Variants in ZBTB20 observed in about 807,000 individuals in gnomAD.
The protein encoded by ZBTB20 is zinc finger and BTB domain containing 20.
ZBTB20 carries 9 observed loss-of-function variants against 56.9 expected under a neutral mutation model. The observed-to-expected ratio is 0.16, with a 90% confidence interval of 0.10 to 0.28. The LOEUF (loss-of-function observed/expected upper bound fraction) is 0.28, where lower values mean the gene tolerates loss of function less well. Among genes scored for constraint, ZBTB20 ranks in the 10% least tolerant of loss-of-function variants. The pLI, the probability that ZBTB20 is intolerant of heterozygous loss-of-function variation, is 1.00. For missense variants in ZBTB20, 655 were observed against 1,003.0 expected (o/e 0.65, Z 4.69); for synonymous variants, 417 against 420.7 (o/e 0.99, Z 0.11).
intron 6 of ZBTB20, among the ~76,000 whole-genome samples, chr3:114,678,167 G>T (rs1560116422): frequency 6.6e-6 from 1 of 152,032 alleles, no homozygotes. Flanking sequence ...GGCAGAATTT[G>T]ATTTTTTTCC....
At chr3:114,963,253 C>G (rs544292526) in intron 3 of ZBTB20, among the ~76,000 whole-genome samples, 4 of 152,202 alleles carry the variant, frequency 2.6e-5, no homozygotes, top group African/African-American at 9.6e-5. Context: ...TAACAGTTTA[C>G]AGTCAATATT....
chr3:114,623,074 A>G (rs765265777), intron 6 of ZBTB20, among the ~76,000 whole-genome samples: 25 of 152,144 alleles, frequency 1.6e-4, no homozygotes, highest in Non-Finnish European at 3.1e-4. Flanking sequence ...TCCATGCTTA[A>G]TGAACATGCC....
intron 7 of ZBTB20, among the ~76,000 whole-genome samples, chr3:114,450,289 T>C (rs2091524599): frequency 6.6e-6 from 1 of 152,194 alleles, no homozygotes; most frequent in African/African-American, 2.4e-5. Context: ...ATTTATAACA[T>C]TGTTGTTTCA....
intron 4 of ZBTB20, among the ~76,000 whole-genome samples, chr3:114,864,546 T>C (rs761861417): frequency 2.0e-5 from 3 of 151,984 alleles, no homozygotes; most frequent in Non-Finnish European, 2.9e-5. Flanking sequence ...ATACTTAAAG[T>C]AGCTACTATC....
chr3:114,656,376 C>T (rs2060406641), intron 6 of ZBTB20, among the ~76,000 whole-genome samples: 2 of 152,342 alleles, frequency 1.3e-5, no homozygotes, highest in South Asian at 4.1e-4. Context: ...CCACAATCTG[C>T]TGTTAAGATT....
chr3:115,015,928 T>TC (rs1157592626), intron 2 of ZBTB20, among the ~76,000 whole-genome samples: 2 of 151,744 alleles, frequency 1.3e-5, no homozygotes, highest in African/African-American at 4.8e-5. Flanking sequence ...TAATTTACAC[T>TC]CCCCCCAACA....
At chr3:114,459,537 T>C (rs554156955) in intron 7 of ZBTB20, among the ~76,000 whole-genome samples, 1 of 152,282 alleles carries the variant, frequency 6.6e-6, no homozygotes, top group East Asian at 1.9e-4. Context: ...TTCTACCTTG[T>C]ATATTTAATG....
intron 2 of ZBTB20, among the ~76,000 whole-genome samples, chr3:115,048,051 C>A (rs1490002480): frequency 6.6e-6 from 1 of 151,186 alleles, no homozygotes; most frequent in Admixed American, 6.6e-5. Flanking sequence ...AAACCCCAGT[C>A]TCTACTAAAA....
At chr3:115,103,838 A>C (rs895046757) in intron 1 of ZBTB20, among the ~76,000 whole-genome samples, 9 of 152,192 alleles carry the variant, frequency 5.9e-5, no homozygotes, top group African/African-American at 2.2e-4. Context: ...GAAAGAAATA[A>C]TTGATAAGCT....
At chr3:114,607,046 C>T (rs933563317) in intron 6 of ZBTB20, among the ~76,000 whole-genome samples, 15 of 151,496 alleles carry the variant, frequency 9.9e-5, no homozygotes, top group Non-Finnish European at 2.9e-5. Context: ...TGCAGTGAGC[C>T]GAGATCACGC....
intron 4 of ZBTB20, among the ~76,000 whole-genome samples, chr3:114,809,837 G>A (rs1430142608): frequency 6.6e-6 from 1 of 152,084 alleles, no homozygotes; most frequent in Non-Finnish European, 1.5e-5. Context: ...ACTTTTCCCT[G>A]TTGAGGGTTG....
At chr3:114,481,621 C>A (rs1481666772) in intron 7 of ZBTB20, among the ~76,000 whole-genome samples, 1 of 152,202 alleles carries the variant, frequency 6.6e-6, no homozygotes, top group Non-Finnish European at 1.5e-5. Flanking sequence ...ATCTCCAGTC[C>A]CAATGCATCC....
chr3:114,594,692 A>T (rs998095329), intron 6 of ZBTB20, among the ~76,000 whole-genome samples: 1 of 152,200 alleles, frequency 6.6e-6, no homozygotes, highest in African/African-American at 2.4e-5. Flanking sequence ...AAAAGAGGGT[A>T]AGGTCTTAGT....
intron 2 of ZBTB20, among the ~76,000 whole-genome samples, chr3:115,048,680 T>C (rs1433697825): frequency 6.6e-6 from 1 of 152,096 alleles, no homozygotes; most frequent in Non-Finnish European, 1.5e-5. Context: ...TTAAGGACTA[T>C]TGCAAAAGTC....
chr3:115,043,403 TAA>T (rs781129655), intron 2 of ZBTB20, among the ~76,000 whole-genome samples: 17 of 126,170 alleles, frequency 1.3e-4, no homozygotes, highest in Admixed American at 2.4e-4. Flanking sequence ...TACTAAAAAC[TAA>T]AAAAAAAAAA....
intron 2 of ZBTB20, among the ~76,000 whole-genome samples, chr3:114,984,137 T>C (rs573138355): frequency 6.6e-6 from 1 of 152,152 alleles, no homozygotes; most frequent in South Asian, 2.1e-4. Flanking sequence ...CAACTTATTT[T>C]TCTTCTGTGA....
intron 7 of ZBTB20, among the ~76,000 whole-genome samples, chr3:114,444,147 T>C (rs898754580): frequency 1.3e-5 from 2 of 152,206 alleles, no homozygotes; most frequent in African/African-American, 4.8e-5. Context: ...TTAGAACTCA[T>C]ACTTTGATAA....
intron 1 of ZBTB20, among the ~76,000 whole-genome samples, chr3:115,138,955 AC>A (rs769081508): frequency 1.3e-5 from 2 of 151,380 alleles, no homozygotes; most frequent in Non-Finnish European, 1.5e-5. Context: ...TAACACTAAA[AC>A]CAGCTTCCCT....
At position 114,334,948 on chromosome 3, in the gene ZBTB20, C is replaced by A. The variant is rs1193360920; in HGVS notation, c.*4057G>T. On this transcript the variant is annotated 3_prime_UTR_variant, in exon 12 of 12. Transcript: ENST00000675478. ...TAGAATTGTAACAGATCCATGTGTT[C>A]CAATTATTTTCTTTTTTAGGATTAT... 6.6e-6 allele frequency: 1 copy of A among 151,990 alleles called. No homozygotes were observed. The highest frequency in any genetic ancestry group is 2.4e-5 in the African/African-American group (1 of 41,366). 9.4% of individuals were successfully genotyped at this position (151,990 alleles called of 1,614,324 possible). A position where few individuals can be genotyped will look rare whatever the true frequency, so the allele number is the denominator to read the frequency against.
Sources: gnomAD v4.1 joint callset for allele counts (sites outside exome capture counted in the v4.1 genomes callset) on GRCh38, gnomAD v4.1.1 for gene constraint, MANE v1.5 for transcripts, NCBI Gene and HGNC (gene_info 2026-07-23, HGNC 2026-07-21) for gene names.